CSMD3: variants seen among roughly 807,000 people sequenced by gnomAD.
CSMD3 encodes the protein CUB and sushi domain-containing protein 3.
CSMD3 carries 177 observed loss-of-function variants against 435.2 expected under a neutral mutation model. The ratio of observed to expected loss-of-function variants is 0.41; its 90% CI spans 0.36 to 0.46. The LOEUF is 0.46. Ranked by LOEUF, CSMD3 falls within the 20% of genes least tolerant of loss-of-function variation. The pLI is 0.34. For missense variants in CSMD3, 4,265 were observed against 4,504.6 expected (o/e 0.95, Z 1.52); for synonymous variants, 1,656 against 1,520.5 (o/e 1.09, Z -2.07).
rs1568552 is a variant in CSMD3, at chr8:113,157,864, T to G, written c.709+15858A>C. Among the ~76,000 whole-genome samples, 11 of 152,038 alleles carry G rather than the reference T, an allele frequency of 7.2e-5. No homozygotes were observed. In the South Asian group the frequency reaches 2.3e-3, roughly 32 times the overall value. Reference sequence around the variant, plus strand: ...GCAAAGAAATCAAATTTATGCTATTTTCTGAAAAGTTACAATGCTAAATAA... The same window carrying G: ...GCAAAGAAATCAAATTTATGCTATTGTCTGAAAAGTTACAATGCTAAATAA... On this transcript the variant is annotated intron_variant, in intron 4 of 70. Transcript: ENST00000297405.
intron 5 of CSMD3, among the ~76,000 whole-genome samples, chr8:113,039,408 T>G (rs1320561417): frequency 6.6e-6 from 1 of 152,210 alleles, no homozygotes; most frequent in Non-Finnish European, 1.5e-5. Flanking sequence ...TATAAGAAAT[T>G]TAAATTGTGG....
intron 13 of CSMD3, among the ~76,000 whole-genome samples, chr8:112,760,165 TAAC>T (rs2077803092): frequency 1.3e-5 from 2 of 152,266 alleles, no homozygotes; most frequent in South Asian, 2.1e-4. Flanking sequence ...TTGTGACAAA[TAAC>T]AATCAATATA....
At chr8:112,428,959 A>G (rs1433042046) in intron 32 of CSMD3, among the ~76,000 whole-genome samples, 4 of 152,104 alleles carry the variant, frequency 2.6e-5, no homozygotes, top group Non-Finnish European at 2.9e-5. Context: ...GTACAACATA[A>G]TATTCTGAAG....
intron 25 of CSMD3, among the ~76,000 whole-genome samples, chr8:112,553,044 A>ATGGCAAGT (rs1335897948): frequency 4.6e-5 from 7 of 152,144 alleles, no homozygotes; most frequent in Admixed American, 2.6e-4. Context: ...AGGGAAACAG[A>ATGGCAAGT]TGGCAAGTTG....
At chr8:112,616,488 G>T (rs572234632) in intron 22 of CSMD3, among the ~76,000 whole-genome samples, 2 of 152,174 alleles carry the variant, frequency 1.3e-5, no homozygotes, top group African/African-American at 4.8e-5. Flanking sequence ...TTATATTAAT[G>T]AATTATGGCA....
At chr8:112,596,994 G>C (rs941160933) in intron 22 of CSMD3, among the ~76,000 whole-genome samples, 1 of 152,126 alleles carries the variant, frequency 6.6e-6, no homozygotes, top group African/African-American at 2.4e-5. Context: ...AAAGCTAGCA[G>C]AAAGCAAGAA....
At chr8:112,890,631 C>A (rs2081757071) in intron 10 of CSMD3, among the ~76,000 whole-genome samples, 1 of 151,662 alleles carries the variant, frequency 6.6e-6, no homozygotes, top group African/African-American at 2.4e-5. Flanking sequence ...TTTCAAACTT[C>A]TGTCATTTTT....
chr8:112,389,515 A>T (rs533070837), intron 36 of CSMD3, among the ~76,000 whole-genome samples: 1 of 152,298 alleles, frequency 6.6e-6, no homozygotes, highest in African/African-American at 2.4e-5. Context: ...AAACTCTGAA[A>T]ATGTACATGC....
intron 32 of CSMD3, among the ~76,000 whole-genome samples, chr8:112,451,444 A>C (rs762244324): frequency 9.9e-5 from 15 of 152,116 alleles, no homozygotes; most frequent in Non-Finnish European, 1.2e-4. Context: ...TAAAAGTAAA[A>C]GTTTTTTTTA....
At chr8:113,100,577 A>G (rs1465668564) in intron 4 of CSMD3, among the ~76,000 whole-genome samples, 3 of 152,122 alleles carry the variant, frequency 2.0e-5, no homozygotes, top group African/African-American at 7.2e-5. Flanking sequence ...GGAGACACAT[A>G]ACATTCTGGA....
At chr8:112,788,232 C>A (rs1261756529) in intron 13 of CSMD3, among the ~76,000 whole-genome samples, 4 of 152,102 alleles carry the variant, frequency 2.6e-5, no homozygotes, top group Non-Finnish European at 5.9e-5. Context: ...GAGGAGTGTT[C>A]TTTTGCCTGC....
intron 1 of CSMD3, among the ~76,000 whole-genome samples, chr8:113,382,656 T>A (rs1193798991): frequency 6.6e-6 from 1 of 152,092 alleles, no homozygotes; most frequent in Non-Finnish European, 1.5e-5. Context: ...CTATTAAGCA[T>A]ATGGTTACTA....
chr8:113,072,932 C>G (rs1346683060), intron 5 of CSMD3, among the ~76,000 whole-genome samples: 1 of 151,710 alleles, frequency 6.6e-6, no homozygotes, highest in Non-Finnish European at 1.5e-5. Context: ...TTCACTCCAT[C>G]CTTACTCAAC....
intron 3 of CSMD3, among the ~76,000 whole-genome samples, chr8:113,228,988 T>A (rs2093056484): frequency 6.6e-6 from 1 of 151,644 alleles, no homozygotes; most frequent in African/African-American, 2.4e-5. Flanking sequence ...CACGTTCAAG[T>A]TCTTAATCAT....
intron 1 of CSMD3, among the ~76,000 whole-genome samples, chr8:113,395,184 T>G (rs2094477532): frequency 6.6e-6 from 1 of 152,172 alleles, no homozygotes; most frequent in Admixed American, 6.5e-5. Context: ...ACTAACCATT[T>G]AGTTTATGAA....
intron 5 of CSMD3, among the ~76,000 whole-genome samples, chr8:113,031,629 A>C (rs1278706303): frequency 6.6e-6 from 1 of 151,640 alleles, no homozygotes; most frequent in Non-Finnish European, 1.5e-5. Context: ...AATAAAATAC[A>C]CTTGCACACT....
At chr8:113,346,359 A>G (rs2132877308) in intron 1 of CSMD3, among the ~76,000 whole-genome samples, 1 of 152,174 alleles carries the variant, frequency 6.6e-6, no homozygotes, top group East Asian at 1.9e-4. Context: ...TAAAACCATA[A>G]ATGTAAGATG....
intron 10 of CSMD3, among the ~76,000 whole-genome samples, chr8:112,904,553 A>G (rs140666567): frequency 5.3e-5 from 8 of 151,548 alleles, no homozygotes; most frequent in Non-Finnish European, 8.9e-5. Flanking sequence ...AAGCTGATTC[A>G]TTATTTATGA....
At chr8:112,394,328 T>G (rs1256813885) in intron 35 of CSMD3, among the ~76,000 whole-genome samples, 2 of 152,094 alleles carry the variant, frequency 1.3e-5, no homozygotes, top group Non-Finnish European at 2.9e-5. Flanking sequence ...CTCCATTACC[T>G]TGATAGGCTT....
Sources: gnomAD v4.1 joint callset for allele counts (sites outside exome capture counted in the v4.1 genomes callset) on GRCh38, gnomAD v4.1.1 for gene constraint, MANE v1.5 for transcripts, NCBI Gene and HGNC (gene_info 2026-07-23, HGNC 2026-07-21) for gene names.